The following SLCO1B3 variants were observed in gnomAD, a reference collection of about 807,000 sequenced individuals.
SLCO1B3 encodes solute carrier organic anion transporter family member 1B3.
In SLCO1B3, 72 loss-of-function variants were observed where a neutral mutation model predicts 71.8. The ratio of observed to expected loss-of-function variants is 1.00; its 90% CI spans 0.83 to 1.22. SLCO1B3 has a LOEUF of 1.22. SLCO1B3 is among the 50% of genes most tolerant of loss of function. The pLI is 0.00. For missense variants in SLCO1B3, 911 were observed against 819.7 expected, an observed-to-expected ratio of 1.11 and a Z score of -1.36; for synonymous variants, 298 against 278.4, an observed-to-expected ratio of 1.07 and a Z score of -0.70.
At chr12:20,823,801 G>C (rs534322118) in intron 3 of SLCO1B3, among the ~76,000 whole-genome samples, 1 of 152,158 alleles carries the variant, frequency 6.6e-6, no homozygotes, top group Admixed American at 6.5e-5. Flanking sequence ...GGAGTTCCTG[G>C]ACCAGTCAAA....
chr12:20,853,888 A>G (rs979599259), intron 3 of SLCO1B3, among the ~76,000 whole-genome samples: 2 of 142,822 alleles, frequency 1.4e-5, no homozygotes, highest in Non-Finnish European at 3.0e-5. Flanking sequence ...ACTGCATCAC[A>G]TAAGTTTTGG....
intron 4 of SLCO1B3, among the ~76,000 whole-genome samples, chr12:20,855,672 G>A (rs1203354335): frequency 7.5e-6 from 1 of 132,886 alleles, no homozygotes; most frequent in Non-Finnish European, 1.6e-5. Context: ...TTTTTTTTTT[G>A]AACATTGAAG....
intron 3 of SLCO1B3, among the ~76,000 whole-genome samples, chr12:20,823,774 A>G (rs1864366593): frequency 6.6e-6 from 1 of 152,138 alleles, no homozygotes; most frequent in Non-Finnish European, 1.5e-5. Flanking sequence ...TCTCTTTCTG[A>G]GGTCTTAAGA....
At chr12:20,833,522 CATATATAGTTTATATATGT>C (rs1254368778) in intron 3 of SLCO1B3, among the ~76,000 whole-genome samples, 1 of 146,062 alleles carries the variant, frequency 6.8e-6, no homozygotes, top group Non-Finnish European at 1.5e-5. Context: ...TATGTATATA[CATATATAGTTTATATATGT>C]ATATTGTACA....
intron 3 of SLCO1B3, among the ~76,000 whole-genome samples, chr12:20,824,972 A>T (rs767541991): frequency 9.2e-5 from 14 of 152,158 alleles, no homozygotes; most frequent in Non-Finnish European, 1.9e-4. Context: ...AAAAAAGGCA[A>T]AAATCTTTAT....
At chr12:20,836,573 A>G (rs1478765358) in intron 3 of SLCO1B3, among the ~76,000 whole-genome samples, 1 of 152,196 alleles carries the variant, frequency 6.6e-6, no homozygotes, top group Non-Finnish European at 1.5e-5. Context: ...CAATTAGTAT[A>G]ACATGTTTCT....
intron 13 of SLCO1B3, among the ~76,000 whole-genome samples, chr12:20,886,692 A>C (rs1271620466): frequency 6.6e-6 from 1 of 152,054 alleles, no homozygotes; most frequent in Non-Finnish European, 1.5e-5. Flanking sequence ...TGGGAGGTGA[A>C]AAAAAGGCTG....
intron 3 of SLCO1B3, among the ~76,000 whole-genome samples, chr12:20,823,950 G>A (rs1316533797): frequency 6.6e-6 from 1 of 152,052 alleles, no homozygotes; most frequent in East Asian, 1.9e-4. Flanking sequence ...TTCCAGTCAA[G>A]GACTTAGTAA....
chr12:20,910,343 T>C (rs1290410232), intron 15 of SLCO1B3, among the ~76,000 whole-genome samples: 2 of 152,228 alleles, frequency 1.3e-5, no homozygotes, highest in Admixed American at 1.3e-4. Flanking sequence ...CACACTGTCT[T>C]GGTTGCTGTA....
intron 13 of SLCO1B3, among the ~76,000 whole-genome samples, chr12:20,890,428 A>C (rs951495265): frequency 6.6e-6 from 1 of 152,232 alleles, no homozygotes; most frequent in African/African-American, 2.4e-5. Context: ...TTGGCATAGC[A>C]TGTGGTCAGT....
intron 13 of SLCO1B3, among the ~76,000 whole-genome samples, chr12:20,888,526 G>T (rs559586232): frequency 6.6e-6 from 1 of 151,974 alleles, no homozygotes; most frequent in South Asian, 2.1e-4. Context: ...ACTTATTTTT[G>T]TACATTGGTT....
At chr12:20,897,812 T>C (rs1866045249) in intron 13 of SLCO1B3, among the ~76,000 whole-genome samples, 1 of 152,196 alleles carries the variant, frequency 6.6e-6, no homozygotes, top group African/African-American at 2.4e-5. Context: ...GGGATGGTAG[T>C]GTCATCAGTT....
chr12:20,889,186 T>A (rs1303240115), intron 13 of SLCO1B3, among the ~76,000 whole-genome samples: 2 of 151,898 alleles, frequency 1.3e-5, no homozygotes, highest in Non-Finnish European at 2.9e-5. Context: ...CTTGCCTGGC[T>A]TTGGTATCAG....
chr12:20,911,438 G>A (rs1302620606), intron 15 of SLCO1B3, among the ~76,000 whole-genome samples: 1 of 152,046 alleles, frequency 6.6e-6, no homozygotes, highest in Non-Finnish European at 1.5e-5. Context: ...TTGGGTATTA[G>A]GATAATGCTG....
chr12:20,820,921 AG>A (rs1864289453), intron 3 of SLCO1B3, among the ~76,000 whole-genome samples: 1 of 152,088 alleles, frequency 6.6e-6, no homozygotes, highest in Non-Finnish European at 1.5e-5. Context: ...ATTGCTGGGC[AG>A]GTGGGGGAGG....
intron 13 of SLCO1B3, among the ~76,000 whole-genome samples, chr12:20,886,583 G>A (rs554018871): frequency 2.0e-5 from 3 of 152,136 alleles, no homozygotes; most frequent in African/African-American, 7.2e-5. Context: ...CTATGTCAAG[G>A]CCTGCTGAGA....
At chr12:20,895,671 G>A (rs557234395) in intron 13 of SLCO1B3, among the ~76,000 whole-genome samples, 1 of 152,226 alleles carries the variant, frequency 6.6e-6, no homozygotes, top group Admixed American at 6.5e-5. Flanking sequence ...GGTGAATGGT[G>A]CAAGCTGTCG....
chr12:20,831,886 G>C (rs1380781782), intron 3 of SLCO1B3, among the ~76,000 whole-genome samples: 1 of 152,144 alleles, frequency 6.6e-6, no homozygotes, highest in East Asian at 1.9e-4. Context: ...TATTGCGCTA[G>C]TGTTTTGTTT....
intron 3 of SLCO1B3, among the ~76,000 whole-genome samples, chr12:20,853,553 A>T (rs1438835786): frequency 6.6e-6 from 1 of 151,868 alleles, no homozygotes; most frequent in Non-Finnish European, 1.5e-5. Context: ...ATTCTTTTTA[A>T]TTTCTGAGAC....
Sources: allele counts gnomAD v4.1 joint callset (sites outside exome capture counted in the v4.1 genomes callset), GRCh38; gene constraint gnomAD v4.1.1; transcripts MANE v1.5; gene names NCBI Gene and HGNC (gene_info 2026-07-23, HGNC 2026-07-21).